LRRC7: variants seen among roughly 807,000 people sequenced by gnomAD.
LRRC7 encodes leucine rich repeat containing 7.
A neutral mutation model predicts 175.7 loss-of-function variants in LRRC7; 23 were observed. The observed-to-expected ratio is 0.13, with a 90% CI of 0.09 to 0.19. The LOEUF is 0.19. Among genes scored for constraint, LRRC7 ranks in the 10% least tolerant of loss-of-function variants. LRRC7 has a pLI of 1.00. For missense variants in LRRC7, 1,354 were observed against 1,904.7 expected, an observed-to-expected ratio of 0.71 and a Z score of 5.38; for synonymous variants, 685 against 680.9, an observed-to-expected ratio of 1.01 and a Z score of -0.09.
At chr1:69,715,564 G>A (rs925106015) in intron 2 of LRRC7, among the ~76,000 whole-genome samples, 3 of 151,872 alleles carry the variant, frequency 2.0e-5, no homozygotes, top group South Asian at 4.2e-4. Context: ...TAGTTATAAT[G>A]TACTGAATAC....
intron 5 of LRRC7, among the ~76,000 whole-genome samples, chr1:69,827,527 T>C (rs1680059564): frequency 6.6e-6 from 1 of 152,202 alleles, no homozygotes; most frequent in African/African-American, 2.4e-5. Context: ...TTTAAAGTCA[T>C]GTTTTTAAAT....
chr1:69,926,360 C>G (rs1034122713), intron 7 of LRRC7, among the ~76,000 whole-genome samples: 7 of 129,806 alleles, frequency 5.4e-5, no homozygotes, highest in African/African-American at 1.9e-4. Flanking sequence ...TCCTGGGTAT[C>G]CTTGTTAACT....
At chr1:69,583,782 G>T (rs1488965654) in intron 1 of LRRC7, among the ~76,000 whole-genome samples, 1 of 152,104 alleles carries the variant, frequency 6.6e-6, no homozygotes, top group Non-Finnish European at 1.5e-5. Flanking sequence ...TACAAATAGG[G>T]CTGCATTGCA....
rs36029606 is a variant in LRRC7 at position 70,140,983 on chromosome 1, T to TAA, written c.*19097_*19098dup. On this transcript the variant is annotated 3_prime_UTR_variant, in exon 27 of 27. Transcript: ENST00000651989. Reference sequence around the variant, plus strand: ...CGCAACTGAGGTGTAGCCCAGGGAATAAGTATGTCCTGAATTGAGCCTTAA... The same window carrying TAA: ...CGCAACTGAGGTGTAGCCCAGGGAATAAAAGTATGTCCTGAATTGAGCCTTAA... Among the ~76,000 whole-genome samples the TAA allele has an allele frequency of 6.6e-6, 1 of 152,048 alleles. No individual in the cohort carries two copies. Among genetic ancestry groups the TAA allele is most frequent in the African/African-American group, 2.4e-5 (1 of 41,412 alleles).
At chr1:69,972,903 T>C (rs1570864587) in intron 8 of LRRC7, among the ~76,000 whole-genome samples, 1 of 146,936 alleles carries the variant, frequency 6.8e-6, no homozygotes, top group Admixed American at 6.8e-5. Context: ...GGAAACTGTT[T>C]ATATATAACT....
intron 1 of LRRC7, among the ~76,000 whole-genome samples, chr1:69,594,951 T>C (rs2100972222): frequency 6.6e-6 from 1 of 152,324 alleles, no homozygotes; most frequent in African/African-American, 2.4e-5. Flanking sequence ...CATCAGTCCC[T>C]TTTATTATTA....
At chr1:69,707,489 C>A (rs1664188462) in intron 2 of LRRC7, among the ~76,000 whole-genome samples, 1 of 151,968 alleles carries the variant, frequency 6.6e-6, no homozygotes, top group African/African-American at 2.4e-5. Context: ...TGTTTTATTT[C>A]TTTACTCTTT....
chr1:69,874,322 A>T (rs1269665760), intron 7 of LRRC7: 5 of 152,160 alleles, frequency 3.3e-5, no homozygotes, highest in Admixed American at 6.6e-5. Flanking sequence ...TTAACATTTT[A>T]TACATACAAT....
chr1:69,619,982 T>C (rs1018634113), intron 1 of LRRC7, among the ~76,000 whole-genome samples: 16 of 152,206 alleles, frequency 1.1e-4, no homozygotes, highest in African/African-American at 3.9e-4. Flanking sequence ...AGATTCTATC[T>C]TGCAAAGAGA....
intron 1 of LRRC7, among the ~76,000 whole-genome samples, chr1:69,645,962 A>G (rs1654950262): frequency 6.6e-6 from 1 of 152,112 alleles, no homozygotes; most frequent in Non-Finnish European, 1.5e-5. Context: ...GCCATATTGT[A>G]TTAAGTTTTA....
chr1:69,961,957 C>CT (rs1346418826), intron 8 of LRRC7, among the ~76,000 whole-genome samples: 1 of 151,916 alleles, frequency 6.6e-6, no homozygotes, highest in East Asian at 1.9e-4. Flanking sequence ...GATGCCACAA[C>CT]CAGTTGCAAA....
chr1:70,097,097 A>G (rs1289021384), intron 25 of LRRC7, among the ~76,000 whole-genome samples: 1 of 152,248 alleles, frequency 6.6e-6, no homozygotes, highest in Admixed American at 6.5e-5. Flanking sequence ...TCAGCACTGT[A>G]AATTTTTAAA....
intron 1 of LRRC7, among the ~76,000 whole-genome samples, chr1:69,677,966 C>T (rs1161842394): frequency 2.0e-5 from 3 of 151,576 alleles, no homozygotes; most frequent in Non-Finnish European, 2.9e-5. Context: ...TTCCCTTTTT[C>T]TCTCTCTCTC....
chr1:69,964,490 C>T (rs931040296), intron 8 of LRRC7, among the ~76,000 whole-genome samples: 1 of 152,158 alleles, frequency 6.6e-6, no homozygotes, highest in Non-Finnish European at 1.5e-5. Flanking sequence ...CATGAAGAGT[C>T]TACATAAAAA....
At chr1:70,100,477 C>T (rs1664731226) in intron 25 of LRRC7, among the ~76,000 whole-genome samples, 1 of 152,018 alleles carries the variant, frequency 6.6e-6, no homozygotes, top group Non-Finnish European at 1.5e-5. Context: ...GATTTGTGAT[C>T]CCATAGTCCA....
chr1:69,605,064 C>T, intron 1 of LRRC7, among the ~76,000 whole-genome samples: 1 of 152,158 alleles, frequency 6.6e-6, no homozygotes, highest in East Asian at 1.9e-4. Flanking sequence ...GCTGTGTCCC[C>T]ACCCAAATCT....
chr1:70,022,163 AT>A (rs1335846475), intron 16 of LRRC7: 5 of 152,196 alleles, frequency 3.3e-5, no homozygotes, highest in Admixed American at 1.3e-4. Flanking sequence ...TTTAAAAAAA[AT>A]GTCTCTAGAT....
chr1:69,944,467 A>G (rs1302549043), intron 8 of LRRC7, among the ~76,000 whole-genome samples: 1 of 152,142 alleles, frequency 6.6e-6, no homozygotes, highest in Admixed American at 6.6e-5. Flanking sequence ...GCTGCAGTGA[A>G]TACATAAGGA....
intron 11 of LRRC7, among the ~76,000 whole-genome samples, chr1:70,010,738 G>A (rs143225875): frequency 7.9e-4 from 120 of 152,202 alleles, no homozygotes; most frequent in Non-Finnish European, 1.4e-3. Flanking sequence ...CAATACCAAC[G>A]CCAACTGCAA....
Sources: allele counts gnomAD v4.1 joint callset (sites outside exome capture counted in the v4.1 genomes callset), GRCh38; gene constraint gnomAD v4.1.1; transcripts MANE v1.5; gene names NCBI Gene and HGNC (gene_info 2026-07-23, HGNC 2026-07-21).